Variants in CTNND2 observed in about 807,000 individuals in gnomAD.
CTNND2 encodes catenin delta-2.
CTNND2 carries 22 observed loss-of-function variants against 144.4 expected under a neutral mutation model. The observed-to-expected ratio is 0.15, with a 90% CI of 0.11 to 0.22. The LOEUF is 0.22. Among genes scored for constraint, CTNND2 ranks in the 10% least tolerant of loss-of-function variants. The pLI, the probability that CTNND2 is intolerant of heterozygous loss-of-function variation, is 1.00. For missense variants in CTNND2, 1,353 were observed against 1,618.8 expected (o/e 0.84, Z 2.82); for synonymous variants, 751 against 695.6 (o/e 1.08, Z -1.25).
intron 3 of CTNND2, among the ~76,000 whole-genome samples, chr5:11,462,549 T>C (rs1288730764): frequency 8.6e-6 from 1 of 116,030 alleles, no homozygotes; most frequent in Non-Finnish European, 1.8e-5. Context: ...AAAGATTCTA[T>C]TTTTTTTTTC....
At chr5:11,422,353 C>A (rs953333709) in intron 3 of CTNND2, among the ~76,000 whole-genome samples, 1 of 152,156 alleles carries the variant, frequency 6.6e-6, no homozygotes, top group Admixed American at 6.5e-5. Context: ...ACCATTCTTG[C>A]CATAGTAAAA....
intron 10 of CTNND2, among the ~76,000 whole-genome samples, chr5:11,222,088 G>A (rs563580479): frequency 1.1e-4 from 17 of 152,256 alleles, no homozygotes; most frequent in Admixed American, 8.5e-4. Flanking sequence ...ATGCAAATGC[G>A]AATGGACTGA....
In CTNND2 at chr5:11,110,908, T is replaced by G. The variant is rs1381297370; in HGVS notation, c.2413A>C (p.Ser805Arg). 3 of 1,614,120 alleles carry G rather than the reference T, an allele frequency of 1.9e-6. No individual in the cohort carries two copies. The highest frequency in any genetic ancestry group is 1.7e-5 in the Admixed American group (1 of 60,020). Residue 805 changes from serine to arginine, a missense_variant, in exon 14 of 22, where the codon AGC (serine) becomes CGC (arginine). Physicochemically the swap from Ser to Arg is moderately radical, Grantham distance 110 (BLOSUM62 -1). Transcript: ENST00000304623. ...TTCTTCTTGCCCCAGCACCCAGAGC[T>G]CTCAGCATCCTTGCCATTGGCCTCG... ...CGEANGKDAE[S>R]SGCWGKKKKK...
intron 16 of CTNND2, among the ~76,000 whole-genome samples, chr5:11,039,860 G>A (rs568530344): frequency 9.7e-4 from 148 of 152,216 alleles, no homozygotes; most frequent in Non-Finnish European, 1.8e-3. Context: ...TCAGGAGTTC[G>A]AGACCAGCTT....
chr5:11,604,962 G>T (rs995393899), intron 2 of CTNND2, among the ~76,000 whole-genome samples: 2 of 152,150 alleles, frequency 1.3e-5, no homozygotes, highest in African/African-American at 4.8e-5. Flanking sequence ...GTTGCAGAAA[G>T]GTATTTGGAG....
intron 5 of CTNND2, among the ~76,000 whole-genome samples, chr5:11,406,239 G>C (rs1761096494): frequency 6.6e-6 from 1 of 152,182 alleles, no homozygotes; most frequent in Non-Finnish European, 1.5e-5. Flanking sequence ...AACTGACTCA[G>C]ACACGCTTTC....
chr5:11,283,609 G>C (rs1747389613), intron 9 of CTNND2, among the ~76,000 whole-genome samples: 1 of 139,680 alleles, frequency 7.2e-6, no homozygotes, highest in African/African-American at 2.6e-5. Context: ...GGGAGGCGGA[G>C]GTTGCAGTAA....
At chr5:11,261,844 A>T (rs917030308) in intron 9 of CTNND2, among the ~76,000 whole-genome samples, 8 of 152,226 alleles carry the variant, frequency 5.3e-5, no homozygotes, top group African/African-American at 1.9e-4. Context: ...CCTGAAAGTC[A>T]ACTTGAAGTT....
intron 1 of CTNND2, among the ~76,000 whole-genome samples, chr5:11,806,932 A>T (rs577877115): frequency 6.6e-6 from 1 of 152,120 alleles, no homozygotes; most frequent in African/African-American, 2.4e-5. Context: ...ATTACATTTG[A>T]GTGGATGGAT....
At chr5:11,826,277 G>T (rs1173577545) in intron 1 of CTNND2, among the ~76,000 whole-genome samples, 1 of 151,956 alleles carries the variant, frequency 6.6e-6, no homozygotes, top group Non-Finnish European at 1.5e-5. Flanking sequence ...AATATAATTT[G>T]CAGTAGACAT....
chr5:11,201,642 G>T (rs761111601), intron 10 of CTNND2, among the ~76,000 whole-genome samples: 1 of 152,156 alleles, frequency 6.6e-6, no homozygotes, highest in Non-Finnish European at 1.5e-5. Flanking sequence ...TGAATGCAGC[G>T]TTTCACATAT....
At chr5:11,750,306 T>C (rs527738537) in intron 1 of CTNND2, among the ~76,000 whole-genome samples, 1 of 152,004 alleles carries the variant, frequency 6.6e-6, no homozygotes, top group Admixed American at 6.6e-5. Context: ...CTTCCTACTT[T>C]GAAAAACCCT....
At chr5:11,593,602 A>C (rs559779872) in intron 2 of CTNND2, among the ~76,000 whole-genome samples, 1 of 152,320 alleles carries the variant, frequency 6.6e-6, no homozygotes, top group Non-Finnish European at 1.5e-5. Flanking sequence ...ATAGTGAATA[A>C]GTCTCAGGAG....
chr5:11,098,263 T>G (rs1345062920), intron 15 of CTNND2, among the ~76,000 whole-genome samples: 1 of 152,166 alleles, frequency 6.6e-6, no homozygotes, highest in Non-Finnish European at 1.5e-5. Flanking sequence ...AATATCAACC[T>G]GTCACAATCT....
Position 11,564,969 on chromosome 5 carries a change from C to G in CTNND2, c.262G>C (p.Glu88Gln), listed in dbSNP as rs139706540. 1.2e-5 allele frequency: 19 copies of G among 1,613,846 alleles called. No homozygotes were observed. In the African/African-American group the frequency reaches 1.3e-4, roughly 11 times the overall value. ...SQLERCKLGSETGSMSSMSSA... is the reference protein window; with the variant it reads ...SQLERCKLGSQTGSMSSMSSA... ...CTCATGCTGCTCATGCTGCCAGTCTCGGATCCGAGCTTGCATCGCTCCAGC... is the reference window on the plus strand; with the variant it reads ...CTCATGCTGCTCATGCTGCCAGTCTGGGATCCGAGCTTGCATCGCTCCAGC... The change falls in exon 3 of 22, where the codon GAG (glutamate) becomes CAG (glutamine). Residue 88 changes from glutamate (E) to glutamine (Q), a missense_variant. Physicochemically the swap from Glu to Gln is conservative, Grantham distance 29. Transcript: ENST00000304623.
chr5:11,032,541 T>C (rs544350083), intron 16 of CTNND2, among the ~76,000 whole-genome samples: 1 of 152,346 alleles, frequency 6.6e-6, no homozygotes, highest in South Asian at 2.1e-4. Flanking sequence ...GCTTAGTTAC[T>C]GAAAATGTCT....
intron 3 of CTNND2, among the ~76,000 whole-genome samples, chr5:11,487,865 C>A (rs768003305): frequency 2.6e-5 from 4 of 152,048 alleles, no homozygotes; most frequent in African/African-American, 7.2e-5. Context: ...GCAAAGACTA[C>A]GGATCAGTGG....
chr5:11,117,790 A>G (rs1753714305), intron 12 of CTNND2, among the ~76,000 whole-genome samples: 1 of 152,234 alleles, frequency 6.6e-6, no homozygotes, highest in Non-Finnish European at 1.5e-5. Context: ...GGAATAGACA[A>G]TGAAGAACTC....
chr5:11,262,172 T>C (rs1426845924), intron 9 of CTNND2, among the ~76,000 whole-genome samples: 2 of 152,056 alleles, frequency 1.3e-5, no homozygotes, highest in Non-Finnish European at 2.9e-5. Context: ...AGAGAAATGA[T>C]GGCCACATTT....
Sources: gnomAD v4.1 joint callset for allele counts (sites outside exome capture counted in the v4.1 genomes callset) on GRCh38, gnomAD v4.1.1 for gene constraint, MANE v1.5 for transcripts, NCBI Gene and HGNC (gene_info 2026-07-23, HGNC 2026-07-21) for gene names.